The following DNAH12 variants were observed in gnomAD, a reference collection of about 807,000 sequenced individuals.
DNAH12 encodes the protein dynein axonemal heavy chain 12.
In DNAH12, 285 loss-of-function variants were observed where a neutral mutation model predicts 371.5. That is an observed-to-expected ratio of 0.77 (90% CI 0.70 to 0.85). The LOEUF (loss-of-function observed/expected upper bound fraction) is 0.85. Among genes scored for constraint, DNAH12 ranks in the 40% least tolerant of loss-of-function variants. The pLI, the probability that DNAH12 is intolerant of heterozygous loss-of-function variation, is 0.00. For missense variants in DNAH12, 3,611 were observed against 3,689.4 expected (o/e 0.98, Z 0.55); for synonymous variants, 1,200 against 1,213.0 (o/e 0.99, Z 0.22).
At chr3:57,413,507 G>A (rs1360818962) in intron 39 of DNAH12, among the ~76,000 whole-genome samples, 1 of 152,096 alleles carries the variant, frequency 6.6e-6, no homozygotes, top group Non-Finnish European at 1.5e-5. Context: ...TGGTGGGGAT[G>A]TTGAGATTGA....
At chr3:57,329,164 C>T (rs1479068817) in intron 62 of DNAH12, among the ~76,000 whole-genome samples, 3 of 144,834 alleles carry the variant, frequency 2.1e-5, no homozygotes, top group Non-Finnish European at 3.0e-5. Flanking sequence ...TCAATGCCAT[C>T]CCCATCAAGC....
Position 57,295,537 on chromosome 3 carries a change from A to G in DNAH12, c.11680T>C (p.Trp3894Arg), listed in dbSNP as rs1319727293. 9.7e-6 allele frequency: 15 copies of G among 1,547,086 alleles called. No homozygotes were observed. In the African/African-American group the frequency reaches 1.6e-4, roughly 17 times the overall value. Residue 3894 changes from tryptophan (W) to arginine (R), a missense_variant, in exon 73 of 74, where the codon TGG becomes CGG. Trp to Arg is a moderately radical substitution (Grantham distance 101). Coordinates refer to ENST00000495027, the MANE Select transcript of DNAH12 (RefSeq NM_001366028.2). ...KLLFDLMPIIWIKPTQKSRII... is the reference protein window; with the variant it reads ...KLLFDLMPIIRIKPTQKSRII... ...AGAGAATATTTACTTGGTTTTATCC[A>G]TATGATGGGCATCAGGTCAAACAGA... is the stretch of plus-strand genomic sequence containing the variant.
Position 57,446,683 on chromosome 3 carries a change from C to T in DNAH12, c.3793G>A (p.Ala1265Thr). The T allele has an allele frequency of 6.7e-7, 1 of 1,493,128 alleles. No homozygotes were observed. Among genetic ancestry groups the T allele is most frequent in the Non-Finnish European group, 8.9e-7 (1 of 1,119,420 alleles). 92.5% of individuals were successfully genotyped at this position (1,493,128 alleles called of 1,614,324 possible). Residue 1265 changes from alanine (A) to threonine (T), a missense_variant, in exon 26 of 74, where the codon GCT becomes ACT. Around this residue, in one of 3 missense-constraint regions of DNAH12, gnomAD observed 2,266 missense variants for 2,236.9 expected, o/e 1.01. Transcript: ENST00000495027. ...GCACCTCCAAGGTTTAAATAGAAAG[C>T]ACCTATCTGAAATGAAAAACACATG... ...TDRCYRTLIG[A>T]FYLNLGGAPE...
At chr3:57,478,317 G>A (rs1251113225) in intron 13 of DNAH12, among the ~76,000 whole-genome samples, 1 of 152,080 alleles carries the variant, frequency 6.6e-6, no homozygotes, top group African/African-American at 2.4e-5. Context: ...TGGAAGAAAG[G>A]GTATCAGTGA....
At chr3:57,473,077 A>G (rs2066413185) in intron 13 of DNAH12, among the ~76,000 whole-genome samples, 1 of 151,964 alleles carries the variant, frequency 6.6e-6, no homozygotes, top group Non-Finnish European at 1.5e-5. Flanking sequence ...CAAAGATTTT[A>G]GTATCTTTTC....
chr3:57,449,615 C>T (rs1206416274), intron 25 of DNAH12, among the ~76,000 whole-genome samples: 5 of 152,216 alleles, frequency 3.3e-5, no homozygotes, highest in Admixed American at 1.3e-4. Flanking sequence ...TGCCCGGGGC[C>T]GGCAGGGCTG....
chr3:57,428,637 C>T lies in DNAH12; in HGVS notation c.5249G>A (p.Cys1750Tyr), dbSNP rs767284810. The T allele has an allele frequency of 1.0e-5, 16 of 1,528,980 alleles. No individual in the cohort carries two copies. Among genetic ancestry groups the T allele is most frequent in the Non-Finnish European group, 1.4e-5 (16 of 1,140,434 alleles). 94.7% of individuals were successfully genotyped at this position (1,528,980 alleles called of 1,614,324 possible). The part of the protein sequence containing the change: ...PPSLNQRKKK[C>Y]KELIPTSNSN... Reference sequence around the variant, plus strand: ...GTCAGAGAATTATAGGATTACCTTGCATTTTTTCTTACGCTGGTTTAAAGA... The same window carrying T: ...GTCAGAGAATTATAGGATTACCTTGTATTTTTTCTTACGCTGGTTTAAAGA... The change falls in exon 34 of 74, where the codon TGC becomes TAC. Residue 1750 changes from cysteine (C) to tyrosine (Y), a missense_variant. Around this residue, in one of 3 missense-constraint regions of DNAH12, gnomAD observed 2,266 missense variants for 2,236.9 expected, o/e 1.01. Transcript: ENST00000495027.
At chr3:57,490,263 T>C (rs1379233200) in intron 11 of DNAH12, among the ~76,000 whole-genome samples, 1 of 151,796 alleles carries the variant, frequency 6.6e-6, no homozygotes, top group Non-Finnish European at 1.5e-5. Flanking sequence ...AGCCCAGGAG[T>C]TTGAGGCTGC....
intron 22 of DNAH12, among the ~76,000 whole-genome samples, 178 bp downstream of exon 22, chr3:57,457,543 T>C (rs2065935401): frequency 1.3e-5 from 2 of 152,186 alleles, no homozygotes; most frequent in South Asian, 2.1e-4. Context: ...ATAACAATCA[T>C]ATACTATTAT....
chr3:57,302,567 A>ATATTTT (rs2061380979), intron 69 of DNAH12, among the ~76,000 whole-genome samples: 2 of 27,476 alleles, frequency 7.3e-5, no homozygotes, highest in Non-Finnish European at 1.3e-4. Flanking sequence ...ATATATATGT[A>ATATTTT]TTTTTTTTTT....
At chr3:57,493,399 A>T (rs1383639531) in intron 11 of DNAH12, among the ~76,000 whole-genome samples, 1 of 152,218 alleles carries the variant, frequency 6.6e-6, no homozygotes, top group Non-Finnish European at 1.5e-5. Flanking sequence ...ATACTGGAGG[A>T]TGTGCATAAA....
At chr3:57,500,839 T>C (rs1400730697) in intron 11 of DNAH12, among the ~76,000 whole-genome samples, 1 of 152,122 alleles carries the variant, frequency 6.6e-6, no homozygotes, top group Non-Finnish European at 1.5e-5. Context: ...CACTGCAGCC[T>C]CAACCTCCTG....
chr3:57,445,177 T>C lies in DNAH12; in HGVS notation c.4422A>G (p.Ile1474Met). 6.5e-7 allele frequency: 1 copy of C among 1,539,710 alleles called. No homozygotes were observed. Among genetic ancestry groups the C allele is most frequent in the Non-Finnish European group, 8.8e-7 (1 of 1,139,888 alleles). ...KLKYPNENED[I>M]LLLRSIKDVN... The stretch of plus-strand genomic sequence containing the variant: ...AATGTGTATATTTAATACTTACAAG[T>C]ATATCTTCATTTTCATTTGGGTATT... Residue 1474 changes from isoleucine to methionine, a missense_variant, in exon 28 of 74, where the codon ATA (isoleucine) becomes ATG (methionine). Ile to Met is a conservative substitution (Grantham distance 10, BLOSUM62 1). Transcript: ENST00000495027.
intron 38 of DNAH12, 36 bp from the exon 39 acceptor site, chr3:57,413,948 A>G (rs2064286208): frequency 1.3e-6 from 2 of 1,527,546 alleles, no homozygotes; most frequent in Non-Finnish European, 8.8e-7. Flanking sequence ...ATTTACCTAT[A>G]ATTGAATTAG....
At chr3:57,429,080 G>A (rs1045669282) in intron 33 of DNAH12, among the ~76,000 whole-genome samples, 7 of 152,138 alleles carry the variant, frequency 4.6e-5, no homozygotes, top group Non-Finnish European at 8.8e-5. Context: ...TCTCCCTGGA[G>A]AAGTCTTACA....
At chr3:57,403,603 T>C in intron 42 of DNAH12, 102 bp from the exon 43 acceptor site, 1 of 1,082,986 alleles carries the variant, frequency 9.2e-7, no homozygotes, top group Middle Eastern at 2.1e-4. Context: ...GTGACTCTGC[T>C]GTCCCATATG....
chr3:57,320,327 TA>T (rs2061777769), intron 65 of DNAH12, among the ~76,000 whole-genome samples: 1 of 152,206 alleles, frequency 6.6e-6, no homozygotes, highest in African/African-American at 2.4e-5. Flanking sequence ...ACTCAATAAA[TA>T]TTTACTAAAT....
intron 59 of DNAH12, among the ~76,000 whole-genome samples, chr3:57,355,805 T>C (rs1343191104): frequency 6.6e-6 from 1 of 152,208 alleles, no homozygotes; most frequent in East Asian, 1.9e-4. Flanking sequence ...GAGGTTATTC[T>C]ACCAAGAGCC....
At chr3:57,490,674 A>G (rs2067085425) in intron 11 of DNAH12, among the ~76,000 whole-genome samples, 1 of 150,054 alleles carries the variant, frequency 6.7e-6, no homozygotes, top group Admixed American at 6.7e-5. Flanking sequence ...ATGCTGTCCT[A>G]TTTTTCTAGA....
Sources: allele counts gnomAD v4.1 joint callset (sites outside exome capture counted in the v4.1 genomes callset), GRCh38; gene constraint gnomAD v4.1.1; regional missense constraint gnomAD v4.1.1; transcripts MANE v1.5; gene names NCBI Gene and HGNC (gene_info 2026-07-23, HGNC 2026-07-21).